CSMD1: variants seen among roughly 807,000 people sequenced by gnomAD.
CSMD1 encodes the protein CUB and sushi domain-containing protein 1.
CSMD1 carries 213 observed loss-of-function variants against 417.5 expected under a neutral mutation model. That is an observed-to-expected ratio of 0.51 (90% CI 0.46 to 0.57). The LOEUF (loss-of-function observed/expected upper bound fraction) is 0.57, where lower values mean the gene tolerates loss of function less well. Ranked by LOEUF, CSMD1 falls within the 20% of genes least tolerant of loss-of-function variation. The pLI, the probability that CSMD1 is intolerant of heterozygous loss-of-function variation, is 0.00. For missense variants in CSMD1, 6,923 were observed against 4,529.7 expected, an observed-to-expected ratio of 1.53 and a Z score of -15.17; for synonymous variants, 2,862 against 1,736.8, an observed-to-expected ratio of 1.65 and a Z score of -16.11.
At chr8:4,354,865 A>AGTGTGTGT (rs59255397) in intron 3 of CSMD1, among the ~76,000 whole-genome samples, 7,096 of 129,402 alleles carry the variant, frequency 0.055, 295 homozygotes, top group East Asian at 0.14. Flanking sequence ...AGGAAAATGT[A>AGTGTGTGT]GTGTGTGTGT....
chr8:3,121,186 T>G (rs1484886010), intron 41 of CSMD1, among the ~76,000 whole-genome samples: 1 of 152,224 alleles, frequency 6.6e-6, no homozygotes, highest in Non-Finnish European at 1.5e-5. Flanking sequence ...TATTTATTTA[T>G]ATTTTCAGTA....
chr8:4,003,512 G>A (rs1394432549), intron 4 of CSMD1, among the ~76,000 whole-genome samples: 1 of 152,210 alleles, frequency 6.6e-6, no homozygotes, highest in South Asian at 2.1e-4. Context: ...AAATAAGAGT[G>A]AATTCTAGAA....
chr8:3,852,752 G>A lies in CSMD1; in HGVS notation c.819-98710C>T, dbSNP rs183840410. The stretch of plus-strand genomic sequence containing the variant: ...GGTCAGGTAAGCGTCTGCATCTCCC[G>A]CTGCACAGGTTTGTAGGATCCATTC... On this transcript the variant is annotated intron_variant, in intron 5 of 69. Transcript: ENST00000635120. Among the ~76,000 whole-genome samples, 314 of 152,098 alleles carry A rather than the reference G, an allele frequency of 2.1e-3. 1 individual carries two copies. The highest frequency in any genetic ancestry group is 4.9e-3 in the Admixed American group (75 of 15,284).
chr8:3,283,343 C>G (rs923451243), intron 26 of CSMD1, among the ~76,000 whole-genome samples: 2 of 152,038 alleles, frequency 1.3e-5, no homozygotes, highest in East Asian at 1.9e-4. Flanking sequence ...GTTAGGGGAG[C>G]CCTGAAGATA....
At position 4,146,594 on chromosome 8, in the gene CSMD1, A is replaced by ATTT. The variant is rs71205423; in HGVS notation, c.416-114498_416-114496dup. Among the ~76,000 whole-genome samples, 183 of 64,240 alleles carry ATTT rather than the reference A, an allele frequency of 2.8e-3. 11 individuals are homozygous for ATTT. Among genetic ancestry groups the ATTT allele is most frequent in the African/African-American group, 3.6e-3 (44 of 12,386 alleles). 42.1% of individuals were successfully genotyped at this position (64,240 alleles called of 152,430 possible). A position where few individuals can be genotyped will look rare whatever the true frequency, so the allele number is the denominator to read the frequency against. ...TCTGTCTAAATGTTTATATGGACACATTTTTTTTTTTTTTTTTTTTTTTTT... is the reference window on the plus strand; with the variant it reads ...TCTGTCTAAATGTTTATATGGACACATTTTTTTTTTTTTTTTTTTTTTTTTTTT... On this transcript the variant is annotated intron_variant, in intron 3 of 69. Transcript: ENST00000635120.
At chr8:4,264,084 A>G (rs961126998) in intron 3 of CSMD1, among the ~76,000 whole-genome samples, 2 of 152,222 alleles carry the variant, frequency 1.3e-5, no homozygotes, top group Admixed American at 6.5e-5. Context: ...AATGAGGATG[A>G]TAACATCAAA....
chr8:3,932,631 T>G (rs1392253028), intron 5 of CSMD1, among the ~76,000 whole-genome samples: 1 of 150,558 alleles, frequency 6.6e-6, no homozygotes, highest in African/African-American at 2.5e-5. Flanking sequence ...ACATTTATAT[T>G]GACATTTTGC....
intron 1 of CSMD1, among the ~76,000 whole-genome samples, chr8:4,695,034 T>C (rs1807024667): frequency 6.6e-6 from 1 of 152,174 alleles, no homozygotes; most frequent in South Asian, 2.1e-4. Context: ...TACTTATCTG[T>C]CATCTTCCCC....
At chr8:4,788,759 TA>T (rs548373216) in intron 1 of CSMD1, among the ~76,000 whole-genome samples, 14 of 151,256 alleles carry the variant, frequency 9.3e-5, no homozygotes, top group South Asian at 8.4e-4. Context: ...CTAAAAAAAA[TA>T]AAAAAAAATA....
At chr8:3,503,388 G>A (rs892254876) in intron 10 of CSMD1, among the ~76,000 whole-genome samples, 1 of 152,216 alleles carries the variant, frequency 6.6e-6, no homozygotes, top group African/African-American at 2.4e-5. Context: ...GCTACAAAAA[G>A]TCAAAGCTGC....
chr8:3,409,567 C>T lies in CSMD1; in HGVS notation c.1600G>A (p.Ala534Thr), dbSNP rs377751107. The change falls in exon 13 of 70, where the codon GCC becomes ACC. Residue 534 changes from alanine to threonine, a missense_variant. Transcript: ENST00000635120. ...CTGCTGCCCGTCCGCTTCCCATAGG[C>T]GGGGATTCCAGGATCCCCACACCCT... Reference protein sequence around the residue: ...KGGCGDPGIPAYGKRTGSSFL... With the variant: ...KGGCGDPGIPTYGKRTGSSFL... The T allele has an allele frequency of 1.5e-5, 24 of 1,608,816 alleles. No homozygotes were observed. Among genetic ancestry groups the T allele is most frequent in the Middle Eastern group, 1.7e-4 (1 of 6,008 alleles).
intron 1 of CSMD1, among the ~76,000 whole-genome samples, chr8:4,720,004 A>C (rs1007242606): frequency 2.0e-5 from 3 of 152,080 alleles, no homozygotes; most frequent in Admixed American, 2.0e-4. Flanking sequence ...ATTCTCACCA[A>C]GTTTAAGTGC....
intron 3 of CSMD1, among the ~76,000 whole-genome samples, chr8:4,360,031 C>T (rs1306368834): frequency 3.3e-5 from 5 of 152,326 alleles, no homozygotes; most frequent in African/African-American, 1.2e-4. Context: ...TCTTCCCTGT[C>T]CCCATCTGAG....
chr8:3,016,363 T>C (rs1454769305), intron 52 of CSMD1, among the ~76,000 whole-genome samples: 1 of 152,156 alleles, frequency 6.6e-6, no homozygotes, highest in East Asian at 1.9e-4. Context: ...TACTCACTCA[T>C]CCCTATTTTC....
rs1798749654 is a variant in CSMD1, at chr8:3,230,177, T to C, written c.4208A>G (p.Tyr1403Cys). 6.2e-7 allele frequency: 1 copy of C among 1,612,654 alleles called. No homozygotes were observed. The highest frequency in any genetic ancestry group is 8.5e-7 in the Non-Finnish European group (1 of 1,179,288). ...GTCTCCAGCCTCTCTGCTGTCTCCA[T>C]AGCGGGTGCCATTTTGGGGCATACC... The part of the protein sequence containing the change: ...DPGMPQNGTR[Y>C]GDSREAGDTV... Residue 1403 changes from tyrosine to cysteine, a missense_variant, in exon 27 of 70, where the codon TAT becomes TGT. Physicochemically the swap from Tyr to Cys is radical, Grantham distance 194. Coordinates refer to ENST00000635120, the MANE Select transcript of CSMD1 (RefSeq NM_033225.6).
At position 3,731,457 on chromosome 8, in the gene CSMD1, C is replaced by A. The variant is rs1248295118; in HGVS notation, c.931+22473G>T. Among the ~76,000 whole-genome samples the A allele has an allele frequency of 3.9e-5, 6 of 152,266 alleles. No individual in the cohort carries two copies. The East Asian group carries it at 1.2e-3, about 29-fold the overall frequency. On this transcript the variant is annotated intron_variant, in intron 6 of 69. Transcript: ENST00000635120. Reference sequence around the variant, plus strand: ...TCATGATAATGACTACCAGTTTTAACCCCTTCAATTCAATCCGAAACTTGC... The same window carrying A: ...TCATGATAATGACTACCAGTTTTAAACCCTTCAATTCAATCCGAAACTTGC...
intron 31 of CSMD1, among the ~76,000 whole-genome samples, chr8:3,202,905 G>C (rs749275485): frequency 6.6e-6 from 1 of 152,112 alleles, no homozygotes; most frequent in African/African-American, 2.4e-5. Context: ...TTTCCCAATA[G>C]ATGAAATGCT....
At chr8:4,194,311 T>C (rs1030142516) in intron 3 of CSMD1, among the ~76,000 whole-genome samples, 2 of 152,130 alleles carry the variant, frequency 1.3e-5, no homozygotes, top group East Asian at 1.9e-4. Context: ...GTCATTCCTA[T>C]AGGATGGGAT....
intron 2 of CSMD1, among the ~76,000 whole-genome samples, chr8:4,460,035 C>T (rs778834433): frequency 3.3e-5 from 5 of 152,134 alleles, no homozygotes; most frequent in African/African-American, 4.8e-5. Context: ...CAGACATCTA[C>T]AGAACATTCC....
Sources: gnomAD v4.1 joint callset for allele counts (sites outside exome capture counted in the v4.1 genomes callset) on GRCh38, gnomAD v4.1.1 for gene constraint, MANE v1.5 for transcripts, NCBI Gene and HGNC (gene_info 2026-07-23, HGNC 2026-07-21) for gene names.